PRKCE: variants seen among roughly 807,000 people sequenced by gnomAD.
The protein encoded by PRKCE is protein kinase C epsilon type.
PRKCE carries 16 observed loss-of-function variants against 85.4 expected under a neutral mutation model. That is an observed-to-expected ratio of 0.19 (90% CI 0.13 to 0.28). The LOEUF (loss-of-function observed/expected upper bound fraction) is 0.28, where lower values mean the gene tolerates loss of function less well. Ranked by LOEUF, PRKCE falls within the 10% of genes least tolerant of loss-of-function variation. The pLI is 1.00. For synonymous variants in PRKCE, 388 were observed against 371.5 expected, an observed-to-expected ratio of 1.04 and a Z score of -0.51; for missense variants, 573 against 975.2, an observed-to-expected ratio of 0.59 and a Z score of 5.49.
At chr2:45,744,020 G>A (rs115796260) in intron 1 of PRKCE, among the ~76,000 whole-genome samples, 143 of 146,930 alleles carry the variant, frequency 9.7e-4, no homozygotes, top group African/African-American at 3.5e-3. Flanking sequence ...TCCAGATAAT[G>A]CATCTAATAA....
chr2:45,965,050 A>G (rs1701641955), intron 2 of PRKCE, among the ~76,000 whole-genome samples: 2 of 152,234 alleles, frequency 1.3e-5, no homozygotes, highest in African/African-American at 4.8e-5. Context: ...ATTAGATTAC[A>G]TGCAGAATAA....
intron 1 of PRKCE, among the ~76,000 whole-genome samples, chr2:45,726,499 G>A (rs768815300): frequency 3.3e-5 from 5 of 152,122 alleles, no homozygotes; most frequent in Non-Finnish European, 5.9e-5. Flanking sequence ...ATGGTCATTA[G>A]CATTTTTCTT....
intron 2 of PRKCE, among the ~76,000 whole-genome samples, chr2:45,880,767 C>T (rs1488012201): frequency 6.6e-6 from 1 of 152,160 alleles, no homozygotes; most frequent in Non-Finnish European, 1.5e-5. Context: ...GGTTTGAATA[C>T]AGTCTTATTA....
chr2:46,150,826 C>A (rs1389232191), intron 12 of PRKCE, among the ~76,000 whole-genome samples: 1 of 152,194 alleles, frequency 6.6e-6, no homozygotes, highest in South Asian at 2.1e-4. Context: ...GACAGACTGT[C>A]GATGTTGACT....
intron 11 of PRKCE, among the ~76,000 whole-genome samples, chr2:46,130,093 T>C (rs924741589): frequency 6.6e-6 from 1 of 152,222 alleles, no homozygotes; most frequent in African/African-American, 2.4e-5. Flanking sequence ...GATTTTGTTC[T>C]TGTGTATTCT....
chr2:45,779,611 A>G (rs1433486317), intron 1 of PRKCE, among the ~76,000 whole-genome samples: 1 of 151,968 alleles, frequency 6.6e-6, no homozygotes, highest in Non-Finnish European at 1.5e-5. Context: ...AGTAAAAAAA[A>G]AAAAAAAAGA....
At chr2:46,062,945 G>C (rs924225957) in intron 10 of PRKCE, among the ~76,000 whole-genome samples, 4 of 152,094 alleles carry the variant, frequency 2.6e-5, no homozygotes, top group Non-Finnish European at 5.9e-5. Flanking sequence ...TATTAATGTA[G>C]GTTTTCCTAC....
At chr2:45,825,563 A>C (rs1236541587) in intron 1 of PRKCE, among the ~76,000 whole-genome samples, 1 of 152,194 alleles carries the variant, frequency 6.6e-6, no homozygotes, top group East Asian at 1.9e-4. Context: ...GGTGCATGAA[A>C]TCAATGTTAC....
At chr2:45,677,330 T>TTG (rs1553375026) in intron 1 of PRKCE, among the ~76,000 whole-genome samples, 74 of 124,448 alleles carry the variant, frequency 5.9e-4, no homozygotes, top group East Asian at 4.8e-3. Context: ...GTTTTTTTTT[T>TTG]GTTTTTTTTT....
chr2:45,802,940 A>C (rs909793174), intron 1 of PRKCE, among the ~76,000 whole-genome samples: 1 of 152,224 alleles, frequency 6.6e-6, no homozygotes, highest in Non-Finnish European at 1.5e-5. Flanking sequence ...ATATGATGCA[A>C]TGTCACCTTT....
At chr2:45,744,570 C>T (rs1303206238) in intron 1 of PRKCE, among the ~76,000 whole-genome samples, 1 of 106,126 alleles carries the variant, frequency 9.4e-6, no homozygotes, top group Non-Finnish European at 2.1e-5. Flanking sequence ...TCCTTCCTTC[C>T]TTCCTTTCTT....
chr2:46,060,729 A>AT (rs1203496417), intron 10 of PRKCE, among the ~76,000 whole-genome samples: 4 of 142,764 alleles, frequency 2.8e-5, no homozygotes, highest in African/African-American at 7.8e-5. Flanking sequence ...TTATAGTCAG[A>AT]TTTTTTTCTC....
At chr2:45,952,908 A>G (rs1195437390) in intron 2 of PRKCE, among the ~76,000 whole-genome samples, 2 of 152,234 alleles carry the variant, frequency 1.3e-5, no homozygotes, top group African/African-American at 4.8e-5. Context: ...ACAGCAGCCA[A>G]ATAAAACTAT....
chr2:45,762,365 G>C (rs1248676929), intron 1 of PRKCE, among the ~76,000 whole-genome samples: 4 of 152,190 alleles, frequency 2.6e-5, no homozygotes, highest in African/African-American at 9.7e-5. Context: ...CAAAATTCCT[G>C]CCTTTTTCCC....
At chr2:45,729,263 A>C (rs1681354112) in intron 1 of PRKCE, among the ~76,000 whole-genome samples, 1 of 152,190 alleles carries the variant, frequency 6.6e-6, no homozygotes, top group Admixed American at 6.5e-5. Flanking sequence ...CTCTGTTTGC[A>C]CTGGCTTATG....
intron 3 of PRKCE, among the ~76,000 whole-genome samples, chr2:45,977,467 T>C (rs1441206327): frequency 1.3e-5 from 2 of 151,952 alleles, no homozygotes; most frequent in African/African-American, 4.8e-5. Context: ...TGAAACCCTG[T>C]GTCTACTAAA....
rs567753733 is a variant in PRKCE, at chr2:46,138,533, G to A, written c.1593-6560G>A. Among the ~76,000 whole-genome samples the A allele has an allele frequency of 3.3e-5, 5 of 152,286 alleles. No homozygotes were observed. The highest frequency in any genetic ancestry group is 1.9e-4 in the East Asian group (1 of 5,174). ...TAAAATGGCAGAGGATGTACCAGGCGAATGCACCCTTTCCTTATAGCCAGG... is the reference window on the plus strand; with the variant it reads ...TAAAATGGCAGAGGATGTACCAGGCAAATGCACCCTTTCCTTATAGCCAGG... On this transcript the variant is annotated intron_variant, in intron 11 of 14. Transcript: ENST00000306156. This position sits in a 1 kb window ranked among gnomAD's most constrained non-coding sequence, Gnocchi z 4.2.
At chr2:45,998,921 T>C (rs1205062300) in intron 6 of PRKCE, among the ~76,000 whole-genome samples, 4 of 152,206 alleles carry the variant, frequency 2.6e-5, no homozygotes, top group African/African-American at 9.6e-5. Context: ...TCAAATAATA[T>C]TGTGCTGCTT....
At chr2:45,776,716 A>T (rs572698264) in intron 1 of PRKCE, among the ~76,000 whole-genome samples, 1 of 151,912 alleles carries the variant, frequency 6.6e-6, no homozygotes, top group African/African-American at 2.4e-5. Flanking sequence ...CCACCATGAC[A>T]CTCTGATTCC....
Sources: gnomAD v4.1 joint callset for allele counts (sites outside exome capture counted in the v4.1 genomes callset) on GRCh38, gnomAD v4.1.1 for gene constraint, Gnocchi (gnomAD v3.1) non-coding constraint, MANE v1.5 for transcripts, NCBI Gene and HGNC (gene_info 2026-07-23, HGNC 2026-07-21) for gene names.